Variants in TMEM230 observed in about 807,000 individuals in gnomAD.
TMEM230 encodes UPF0414 transmembrane protein C20orf30.
In TMEM230, 10 loss-of-function variants were observed where a neutral mutation model predicts 15.8. The observed-to-expected ratio is 0.63, with a 90% CI of 0.39 to 1.07. The LOEUF (loss-of-function observed/expected upper bound fraction) is 1.07. Among genes scored for constraint, TMEM230 ranks in the 50% least tolerant of loss-of-function variants. The probability of loss-of-function intolerance (pLI) is 0.01; values close to 1 mark genes in which losing one functional copy is unlikely to be tolerated. For missense variants in TMEM230, 165 were observed against 193.3 expected, an observed-to-expected ratio of 0.85 and a Z score of 0.87; for synonymous variants, 67 against 76.9, an observed-to-expected ratio of 0.87 and a Z score of 0.68.
intron 3 of TMEM230, among the ~76,000 whole-genome samples, chr20:5,080,900 T>A (rs1357535748): frequency 6.6e-6 from 1 of 152,244 alleles, no homozygotes; most frequent in African/African-American, 2.4e-5. Flanking sequence ...GGTTACACAC[T>A]GTGGCCCCTG....
At chr20:5,059,909 A>C in the TMEM230 span, among the ~76,000 whole-genome samples, 6 of 107,698 alleles carry the variant, frequency 5.6e-5, no homozygotes, top group East Asian at 1.7e-3. Context: ...CCTCCTGAGT[A>C]GCCAGGCAAC....
chr20:5,069,231 C>A (rs2088748244), exon 4 of TMEM230: 2 of 1,535,866 alleles, frequency 1.3e-6, no homozygotes, highest in African/African-American at 2.7e-5. Flanking sequence ...TTCTGGAAGC[C>A]TTGAGCTGAG....
intron 3 of TMEM230, among the ~76,000 whole-genome samples, chr20:5,084,746 C>T (rs527533931): frequency 2.6e-5 from 4 of 152,078 alleles, no homozygotes; most frequent in African/African-American, 9.7e-5. Context: ...GTTGGCCAGG[C>T]CAGTCTCAAA....
In TMEM230 at chr20:5,100,565, C is replaced by A; in HGVS notation, c.*226G>T. The A allele has an allele frequency of 7.5e-7, 1 of 1,331,014 alleles. No homozygotes were observed. Among genetic ancestry groups the A allele is most frequent in the South Asian group, 1.8e-5 (1 of 55,656 alleles). 82.5% of individuals were successfully genotyped at this position (1,331,014 alleles called of 1,614,324 possible). A position where few individuals can be genotyped will look rare whatever the true frequency, so the allele number is the denominator to read the frequency against. On this transcript the variant is annotated 3_prime_UTR_variant, in exon 5 of 5. Coordinates refer to ENST00000342308, the MANE Select transcript of TMEM230 (RefSeq NM_001009923.2). Reference sequence around the variant, plus strand: ...CCTCTATTCTTCCATGATACATATTCCTGTGGAAAAACTTGTCAGGGCCCA... The same window carrying A: ...CCTCTATTCTTCCATGATACATATTACTGTGGAAAAACTTGTCAGGGCCCA...
At chr20:5,077,994 A>C (rs2089055302) in intron 3 of TMEM230, among the ~76,000 whole-genome samples, 1 of 152,160 alleles carries the variant, frequency 6.6e-6, no homozygotes, top group Non-Finnish European at 1.5e-5. Flanking sequence ...GCTTAGCTTC[A>C]CTGAGGTGAT....
intron 3 of TMEM230, 92 bp downstream of exon 2, chr20:5,109,240 G>A: frequency 1.0e-6 from 1 of 987,792 alleles, no homozygotes; most frequent in Non-Finnish European, 1.5e-6. Flanking sequence ...TAATCCCCAA[G>A]GACAGTTAGC....
chr20:5,079,306 C>T (rs11905359), intron 3 of TMEM230, among the ~76,000 whole-genome samples: 1 of 152,072 alleles, frequency 6.6e-6, no homozygotes. Context: ...CATTTAATAT[C>T]AAAGAGGTTA....
intron 3 of TMEM230, among the ~76,000 whole-genome samples, chr20:5,071,987 G>A (rs568717212): frequency 1.3e-5 from 2 of 152,244 alleles, no homozygotes; most frequent in South Asian, 4.1e-4. Context: ...CTGGCCTCAA[G>A]TGATCCACCT....
At chr20:5,099,216 AAATAAATAAATAAATAAATCAATC>A (rs1454025949), downstream of TMEM230, among the ~76,000 whole-genome samples, 89 of 91,288 alleles carry the variant, frequency 9.7e-4, 2 homozygotes, top group South Asian at 0.028. Context: ...ATAAATAAAT[AAATAAATAAATAAATAAATCAATC>A]AATCAATAAT....
At chr20:5,105,870 C>T (rs1431915771) in intron 4 of TMEM230, among the ~76,000 whole-genome samples, 4 of 151,914 alleles carry the variant, frequency 2.6e-5, no homozygotes, top group African/African-American at 9.7e-5. Context: ...GAAACCCTGT[C>T]TCTACACAAA....
chr20:5,081,864 C>CTTTTTTTTTTT (rs770805896), intron 3 of TMEM230, among the ~76,000 whole-genome samples: 3 of 140,364 alleles, frequency 2.1e-5, no homozygotes, highest in African/African-American at 8.9e-5. Context: ...CACTGATTTT[C>CTTTTTTTTTTT]TTTTTTTTCT....
At chr20:5,102,802 C>G (rs1260339263) in intron 4 of TMEM230, among the ~76,000 whole-genome samples, 1 of 151,068 alleles carries the variant, frequency 6.6e-6, no homozygotes, top group Non-Finnish European at 1.5e-5. Flanking sequence ...GATACCAAAA[C>G]TAGGCAAAGA....
At chr20:5,109,102 G>A (rs1446933200) in intron 3 of TMEM230, 4 of 366,364 alleles carry the variant, frequency 1.1e-5, no homozygotes, top group South Asian at 6.2e-5. Context: ...CAAGGCTCTC[G>A]CATTACAACT....
At chr20:5,083,285 A>ATTTTTTTTTTTTTTTT (rs71197748) in intron 3 of TMEM230, among the ~76,000 whole-genome samples, 1 of 119,938 alleles carries the variant, frequency 8.3e-6, no homozygotes. Flanking sequence ...GGTTAGGGAG[A>ATTTTTTTTTTTTTTTT]TTTTTTTTTT....
downstream of TMEM230, among the ~76,000 whole-genome samples, chr20:5,067,790 C>A (rs2088699302): frequency 6.8e-6 from 1 of 147,206 alleles, no homozygotes; most frequent in Non-Finnish European, 1.5e-5. Flanking sequence ...GACAGAGTCT[C>A]ACTCTGTTGC....
intron 3 of TMEM230, 30 bp downstream of exon 2, chr20:5,109,298 CCAGT>C: frequency 6.5e-7 from 1 of 1,542,434 alleles, no homozygotes; most frequent in South Asian, 1.1e-5. Flanking sequence ...AGAAACACAG[CCAGT>C]CAGTCTTGTC....
At chr20:5,072,178 G>C (rs1265209657) in intron 3 of TMEM230, among the ~76,000 whole-genome samples, 1 of 152,146 alleles carries the variant, frequency 6.6e-6, no homozygotes, top group East Asian at 1.9e-4. Context: ...AGCCGGCTGA[G>C]TAGCCAGGAC....
At chr20:5,081,892 T>A (rs1454564012) in intron 3 of TMEM230, among the ~76,000 whole-genome samples, 3 of 144,878 alleles carry the variant, frequency 2.1e-5, no homozygotes, top group South Asian at 2.1e-4. Flanking sequence ...TTTTTTTTTT[T>A]AGACAGAGTC....
At chr20:5,102,906 C>T (rs991670711) in intron 4 of TMEM230, among the ~76,000 whole-genome samples, 3 of 152,070 alleles carry the variant, frequency 2.0e-5, no homozygotes, top group Non-Finnish European at 4.4e-5. Flanking sequence ...CTGAATTCAA[C>T]AATACATTAA....
Sources: allele counts gnomAD v4.1 joint callset (sites outside exome capture counted in the v4.1 genomes callset), GRCh38; gene constraint gnomAD v4.1.1; transcripts MANE v1.5; gene names NCBI Gene and HGNC (gene_info 2026-07-23, HGNC 2026-07-21).